Variants in EPHX4 observed in about 807,000 individuals in gnomAD.
The protein encoded by EPHX4 is epoxide hydrolase 4.
EPHX4 carries 31 observed loss-of-function variants against 44.9 expected under a neutral mutation model. The ratio of observed to expected loss-of-function variants is 0.69; its 90% confidence interval spans 0.52 to 0.93. The LOEUF (loss-of-function observed/expected upper bound fraction) is 0.93. EPHX4 is among the 40% of genes least tolerant of loss of function. The pLI is 0.00. For missense variants in EPHX4, 373 were observed against 438.1 expected (o/e 0.85, Z 1.33); for synonymous variants, 151 against 159.7 (o/e 0.95, Z 0.41).
At chr1:92,031,985 G>A (rs1395210941) in intron 1 of EPHX4, among the ~76,000 whole-genome samples, 3 of 152,148 alleles carry the variant, frequency 2.0e-5, no homozygotes, top group African/African-American at 7.2e-5. Context: ...AGAGAAGGAG[G>A]TGTGAATTAT....
intron 1 of EPHX4, among the ~76,000 whole-genome samples, chr1:92,031,504 G>T (rs1012810541): frequency 6.6e-6 from 1 of 152,176 alleles, no homozygotes; most frequent in Non-Finnish European, 1.5e-5. Flanking sequence ...AGTGGAAAGA[G>T]CATTGTCCTG....
intron 2 of EPHX4, among the ~76,000 whole-genome samples, chr1:92,035,718 G>C (rs1030028837): frequency 3.3e-5 from 5 of 152,120 alleles, no homozygotes; most frequent in Non-Finnish European, 7.3e-5. Context: ...CCGTCATGTA[G>C]GTATTAAGTC....
chr1:92,042,710 G>C (rs1385733274), intron 2 of EPHX4, 113 bp from the exon 3 acceptor site: 94 of 1,012,864 alleles, frequency 9.3e-5, no homozygotes, highest in Non-Finnish European at 1.1e-4. Flanking sequence ...GGGTGACAGA[G>C]CAAAACTCTG....
intron 6 of EPHX4, among the ~76,000 whole-genome samples, chr1:92,053,283 G>A (rs944845353): frequency 6.6e-6 from 1 of 152,144 alleles, no homozygotes; most frequent in Non-Finnish European, 1.5e-5. Flanking sequence ...AAGCCCTGTG[G>A]GAAGATGGAG....
chr1:92,041,641 C>G (rs1416341394), intron 2 of EPHX4, among the ~76,000 whole-genome samples: 1 of 152,172 alleles, frequency 6.6e-6, no homozygotes, highest in Non-Finnish European at 1.5e-5. Context: ...CTTTTTTATA[C>G]TTGATAATCC....
chr1:92,054,433 A>G (rs931813576), intron 6 of EPHX4, among the ~76,000 whole-genome samples: 1 of 152,130 alleles, frequency 6.6e-6, no homozygotes, highest in South Asian at 2.1e-4. Context: ...TACTAAAAAT[A>G]CAAAAATTAG....
intron 6 of EPHX4, among the ~76,000 whole-genome samples, chr1:92,058,223 C>G (rs1213607252): frequency 6.6e-6 from 1 of 152,072 alleles, no homozygotes; most frequent in East Asian, 1.9e-4. Flanking sequence ...GGGTGGATCA[C>G]CTGACTTCGG....
At chr1:92,031,872 T>C (rs1688366863) in intron 1 of EPHX4, among the ~76,000 whole-genome samples, 1 of 152,102 alleles carries the variant, frequency 6.6e-6, no homozygotes, top group Non-Finnish European at 1.5e-5. Context: ...CTCAGGGCAT[T>C]CTCTTATTAG....
At chr1:92,049,172 C>T (rs1301537946) in intron 4 of EPHX4, among the ~76,000 whole-genome samples, 1 of 152,010 alleles carries the variant, frequency 6.6e-6, no homozygotes, top group Non-Finnish European at 1.5e-5. Context: ...TACCATCTTC[C>T]TCTCATTCAT....
intron 3 of EPHX4, 137 bp downstream of exon 3, chr1:92,043,117 T>TTGGG: frequency 1.5e-6 from 1 of 649,070 alleles, no homozygotes; most frequent in Non-Finnish European, 2.5e-6. Context: ...TGGTTTCAGT[T>TTGGG]AGTCAGCCCA....
intron 2 of EPHX4, among the ~76,000 whole-genome samples, chr1:92,034,645 CTTT>C (rs55868882): frequency 9.6e-5 from 14 of 146,140 alleles, no homozygotes; most frequent in Non-Finnish European, 4.5e-5. Flanking sequence ...TAAGACGCTT[CTTT>C]TTTTTTTTTT....
chr1:92,062,528 T>C (rs1450940712), intron 6 of EPHX4, among the ~76,000 whole-genome samples: 1 of 132,612 alleles, frequency 7.5e-6, no homozygotes, highest in Non-Finnish European at 1.5e-5. Flanking sequence ...GAGGTTGCAG[T>C]GAGCCAAGAT....
intron 4 of EPHX4, among the ~76,000 whole-genome samples, chr1:92,048,145 T>C (rs1688607875): frequency 6.6e-6 from 1 of 152,160 alleles, no homozygotes; most frequent in Admixed American, 6.5e-5. Flanking sequence ...ACCATGACTA[T>C]GTAAATATAT....
intron 1 of EPHX4, 114 bp from the exon 2 acceptor site, chr1:92,032,391 C>T (rs1688374288): frequency 1.4e-6 from 1 of 737,388 alleles, no homozygotes; most frequent in South Asian, 1.7e-5. Flanking sequence ...TGTAAATACA[C>T]AAATGTTTTA....
At chr1:92,049,269 T>C (rs1384414726) in intron 4 of EPHX4, among the ~76,000 whole-genome samples, 3 of 152,112 alleles carry the variant, frequency 2.0e-5, no homozygotes, top group Admixed American at 1.3e-4. Flanking sequence ...TCCGTAGATC[T>C]TTGCACAGCT....
In EPHX4 at chr1:92,051,082, C is replaced by T. The variant is rs558578032; in HGVS notation, c.708+662C>T. On this transcript the variant is annotated intron_variant, in intron 5 of 6. Transcript: ENST00000370383. ...TCCTGGCCTCAAGCAATCCTCCCAC[C>T]TCGGCTTCCCAAAGTGCTGGGATTA... 7.9e-5 allele frequency among the ~76,000 whole-genome samples: 12 copies of T among 152,278 alleles called. 1 individual carries two copies. In the South Asian group the frequency reaches 2.5e-3, roughly 32 times the overall value.
chr1:92,030,163 C>A lies in EPHX4; in HGVS notation c.84C>A (p.Cys28Ter), dbSNP rs774909003. 15 of 1,612,410 alleles carry A rather than the reference C, an allele frequency of 9.3e-6. No individual in the cohort carries two copies. The Admixed American group carries it at 2.5e-4, about 27-fold the overall frequency. ...TCTGGTCCCTGGTCTACTGCTACTG[C>A]GGGCTCTGCGCCTCCATCCACCTGC... ...LLFWSLVYCYCGLCASIHLLK... is the reference protein window; with the variant it reads ...LLFWSLVYCY The change falls in exon 1 of 7, where the codon TGC becomes TGA. Residue 28 changes from cysteine to a stop codon, truncating the protein, a stop_gained. Coordinates refer to ENST00000370383, the MANE Select transcript of EPHX4 (RefSeq NM_173567.5). LOFTEE classifies it high-confidence loss of function.
intron 1 of EPHX4, among the ~76,000 whole-genome samples, 184 bp downstream of exon 1, chr1:92,030,494 G>GTGTGTGTGTGTGTGTGT (rs1183850854): frequency 6.7e-6 from 1 of 149,308 alleles, no homozygotes; most frequent in African/African-American, 2.5e-5. Flanking sequence ...GTGAGAGAGA[G>GTGTGTGTGTGTGTGTGT]AGAGAGAGAG....
intron 2 of EPHX4, among the ~76,000 whole-genome samples, chr1:92,035,875 A>T (rs1404885857): frequency 6.6e-6 from 1 of 152,150 alleles, no homozygotes; most frequent in African/African-American, 2.4e-5. Context: ...ACCCTTCTGA[A>T]GTTGGCAGTG....
Sources: gnomAD v4.1 joint callset for allele counts (sites outside exome capture counted in the v4.1 genomes callset) on GRCh38, gnomAD v4.1.1 for gene constraint, MANE v1.5 for transcripts, NCBI Gene and HGNC (gene_info 2026-07-23, HGNC 2026-07-21) for gene names.